The following INSR variants were observed in gnomAD, a reference collection of about 807,000 sequenced individuals.
The protein encoded by INSR is IR.
Under a neutral mutation model 142.6 loss-of-function variants are expected in INSR, and 67 were observed. That is an observed-to-expected ratio of 0.47 (90% CI 0.39 to 0.58). The LOEUF is 0.58. Among genes scored for constraint, INSR ranks in the 20% least tolerant of loss-of-function variants. The pLI is 0.00. For synonymous variants in INSR, 756 were observed against 743.1 expected (o/e 1.02, Z -0.28); for missense variants, 1,248 against 1,833.2 (o/e 0.68, Z 5.83).
intron 2 of INSR, among the ~76,000 whole-genome samples, chr19:7,266,429 A>C (rs1967730646): frequency 7.1e-6 from 1 of 141,030 alleles, no homozygotes; most frequent in Non-Finnish European, 1.5e-5. Context: ...CTGGTTGCCC[A>C]GGGTGGAGTG....
chr19:7,163,423 G>A (rs1376829038), intron 8 of INSR, among the ~76,000 whole-genome samples: 1 of 152,022 alleles, frequency 6.6e-6, no homozygotes, highest in Non-Finnish European at 1.5e-5. Flanking sequence ...AGCCAGGTGT[G>A]GTGGTGGGCG....
intron 2 of INSR, among the ~76,000 whole-genome samples, chr19:7,256,026 T>C (rs1291285191): frequency 2.0e-5 from 3 of 152,130 alleles, no homozygotes; most frequent in Non-Finnish European, 4.4e-5. Context: ...AAACATACTC[T>C]CTAGGGTACT....
intron 1 of INSR, among the ~76,000 whole-genome samples, chr19:7,287,933 C>A (rs1444065370): frequency 6.6e-6 from 1 of 152,176 alleles, no homozygotes; most frequent in Admixed American, 6.6e-5. Context: ...CATTTTTGCG[C>A]AGTCATAGAT....
chr19:7,129,456 C>T (rs1246019813), intron 14 of INSR, among the ~76,000 whole-genome samples: 1 of 152,092 alleles, frequency 6.6e-6, no homozygotes, highest in African/African-American at 2.4e-5. Context: ...TCCCAAGTAG[C>T]TGGGACTACA....
intron 20 of INSR, among the ~76,000 whole-genome samples, chr19:7,120,370 C>T (rs535954927): frequency 3.5e-4 from 53 of 152,358 alleles, no homozygotes; most frequent in Non-Finnish European, 5.9e-4. Context: ...CACGGGCACA[C>T]GTCCTCAACC....
At chr19:7,181,522 C>T (rs1031793375) in intron 3 of INSR, among the ~76,000 whole-genome samples, 28 of 151,914 alleles carry the variant, frequency 1.8e-4, no homozygotes, top group African/African-American at 6.3e-4. Flanking sequence ...GCTATTACAT[C>T]CCAGCAGGTA....
At chr19:7,274,284 T>G (rs1968001548) in intron 1 of INSR, among the ~76,000 whole-genome samples, 1 of 152,036 alleles carries the variant, frequency 6.6e-6, no homozygotes, top group Admixed American at 6.6e-5. Context: ...GCTGCCATTG[T>G]TCTGACACGA....
At chr19:7,186,199 C>CA (rs1269092471) in intron 2 of INSR, among the ~76,000 whole-genome samples, 2 of 151,960 alleles carry the variant, frequency 1.3e-5, no homozygotes, top group East Asian at 1.9e-4. Context: ...TGTCTCAAAA[C>CA]AAAAAATGAA....
intron 2 of INSR, among the ~76,000 whole-genome samples, chr19:7,212,633 T>C (rs915878055): frequency 6.6e-5 from 10 of 152,152 alleles, no homozygotes; most frequent in African/African-American, 2.4e-4. Context: ...TTGCCCAGGC[T>C]GGAGTGCAAT....
chr19:7,167,413 C>G (rs1188454493), intron 7 of INSR, among the ~76,000 whole-genome samples: 1 of 151,862 alleles, frequency 6.6e-6, no homozygotes, highest in Admixed American at 6.6e-5. Context: ...CCGTCTCTAT[C>G]AAAAATACAC....
intron 1 of INSR, among the ~76,000 whole-genome samples, chr19:7,272,367 C>T (rs1205247897): frequency 2.0e-5 from 3 of 152,094 alleles, no homozygotes; most frequent in African/African-American, 7.2e-5. Flanking sequence ...CCTTTAATCC[C>T]AGCGCTTTGG....
intron 2 of INSR, among the ~76,000 whole-genome samples, chr19:7,197,192 C>G (rs1974772743): frequency 6.6e-6 from 1 of 152,230 alleles, no homozygotes; most frequent in Non-Finnish European, 1.5e-5. Context: ...GCCCCACACG[C>G]GATGACGCCT....
intron 13 of INSR, among the ~76,000 whole-genome samples, chr19:7,140,690 C>T (rs1393474864): frequency 6.6e-6 from 1 of 151,874 alleles, no homozygotes; most frequent in Non-Finnish European, 1.5e-5. Context: ...TGGAATGCAT[C>T]TTACAAGCAA....
At chr19:7,211,377 C>T (rs1466991882) in intron 2 of INSR, among the ~76,000 whole-genome samples, 1 of 152,086 alleles carries the variant, frequency 6.6e-6, no homozygotes, top group Non-Finnish European at 1.5e-5. Context: ...TCTTATTTAG[C>T]AATAAGCTAC....
rs143135433 is a variant in INSR, at chr19:7,293,903, C to G, written c.-12G>C. 9.3e-4 allele frequency: 1,120 copies of G among 1,210,518 alleles called. 7 individuals are homozygous for G. The highest frequency in any genetic ancestry group is 9.1e-3 in the East Asian group (246 of 27,028). 75.0% of individuals were successfully genotyped at this position (1,210,518 alleles called of 1,614,324 possible). On this transcript the variant is annotated 5_prime_UTR_variant, in exon 1 of 22. Transcript: ENST00000302850. Reference sequence around the variant, plus strand: ...CCCCCGGTGGCCATGGCTGCGGGAGCGCGGGGTCTCCTCGGATCAGAGCGC... The same window carrying G: ...CCCCCGGTGGCCATGGCTGCGGGAGGGCGGGGTCTCCTCGGATCAGAGCGC...
At position 7,119,397 on chromosome 19, in the gene INSR, C is replaced by A. The variant is rs1482467512; in HGVS notation, c.3794+52G>T. On this transcript the variant is annotated intron_variant, in intron 21 of 21. Coordinates refer to ENST00000302850, the MANE Select transcript of INSR (RefSeq NM_000208.4). The surrounding 1 kb of genome is among the most constrained non-coding windows in gnomAD (Gnocchi z 5.2). Reference sequence around the variant, plus strand: ...CAAAACCAAGCACACGTGTAAAGGGCAATACCCTTTCAACGAACACCTCAC... The same window carrying A: ...CAAAACCAAGCACACGTGTAAAGGGAAATACCCTTTCAACGAACACCTCAC... 9 of 1,604,516 alleles carry A rather than the reference C, an allele frequency of 5.6e-6. No homozygotes were observed. Among genetic ancestry groups the A allele is most frequent in the Middle Eastern group, 1.7e-4 (1 of 6,042 alleles).
At position 7,132,207 on chromosome 19, in the gene INSR, C is replaced by T. The variant is rs111502197; in HGVS notation, c.2793G>A (p.Ala931=). 298 of 1,614,184 alleles carry T rather than the reference C, an allele frequency of 1.8e-4. 2 individuals carry two copies. In the African/African-American group the frequency reaches 3.3e-3, roughly 18 times the overall value. The part of the protein sequence containing the change: ...YSVRIRATSL[A]GNGSWTEPTY... The stretch of plus-strand genomic sequence containing the variant: ...TGGGTTCCGTCCAAGAGCCGTTGCC[C>T]GCAAGGGAGGTGGCCCGGATTCGCA... Residue 931 remains alanine, a synonymous_variant, in exon 14 of 22, where the codon GCG becomes GCA. Coordinates refer to ENST00000302850, the MANE Select transcript of INSR (RefSeq NM_000208.4).
At chr19:7,183,399 G>A (rs536947470) in intron 3 of INSR, among the ~76,000 whole-genome samples, 18 of 152,076 alleles carry the variant, frequency 1.2e-4, no homozygotes, top group East Asian at 5.8e-4. Flanking sequence ...CTCACAGTAC[G>A]AACAGAAAGT....
chr19:7,194,508 C>CTTTTT (rs35025189), intron 2 of INSR, among the ~76,000 whole-genome samples: 14 of 73,574 alleles, frequency 1.9e-4, no homozygotes, highest in Admixed American at 2.0e-4. Flanking sequence ...AATAGCTTTG[C>CTTTTT]TTTTTTTTTT....
Sources: gnomAD v4.1 joint callset for allele counts (sites outside exome capture counted in the v4.1 genomes callset) on GRCh38, gnomAD v4.1.1 for gene constraint, Gnocchi (gnomAD v3.1) non-coding constraint, MANE v1.5 for transcripts, NCBI Gene and HGNC (gene_info 2026-07-23, HGNC 2026-07-21) for gene names.